The following AFF4 variants were observed in gnomAD, a reference collection of about 807,000 sequenced individuals.
The protein encoded by AFF4 is AF4/FMR2 family member 4.
Under a neutral mutation model 124.8 loss-of-function variants are expected in AFF4, and 13 were observed. That is an observed-to-expected ratio of 0.10 (90% CI 0.07 to 0.17). The LOEUF is 0.17. Among genes scored for constraint, AFF4 ranks in the 10% least tolerant of loss-of-function variants. The pLI, the probability that AFF4 is intolerant of heterozygous loss-of-function variation, is 1.00. For missense variants in AFF4, 1,092 were observed against 1,403.8 expected (o/e 0.78, Z 3.55); for synonymous variants, 477 against 496.1 (o/e 0.96, Z 0.51).
In AFF4 at chr5:132,876,704, CT is replaced by C; in HGVS notation, c.*4354del. ...GATACATAGTTATTATTTCCATTCC[CT>C]TTTCTGGAGACAGCAAGTTCTTTCT... On this transcript the variant is annotated 3_prime_UTR_variant, in exon 21 of 21. Transcript: ENST00000265343. The C allele has an allele frequency of 5.1e-6, 1 of 196,808 alleles. No homozygotes were observed. Among genetic ancestry groups the C allele is most frequent in the Non-Finnish European group, 1.1e-5 (1 of 94,906 alleles). 12.2% of individuals were successfully genotyped at this position (196,808 alleles called of 1,614,324 possible).
At chr5:132,919,541 AC>A (rs1482133489) in intron 5 of AFF4, among the ~76,000 whole-genome samples, 1 of 152,222 alleles carries the variant, frequency 6.6e-6, no homozygotes, top group East Asian at 1.9e-4. Context: ...TAAATGTAAA[AC>A]CTAAAACTAT....
intron 7 of AFF4, among the ~76,000 whole-genome samples, chr5:132,902,018 A>T (rs1453024490): frequency 6.6e-6 from 1 of 152,072 alleles, no homozygotes; most frequent in Non-Finnish European, 1.5e-5. Context: ...TTACATAAAA[A>T]TTTGCATGCT....
chr5:132,892,544 A>C, intron 12 of AFF4, 140 bp from the exon 13 acceptor site: 7 of 1,281,588 alleles, frequency 5.5e-6, no homozygotes, highest in Non-Finnish European at 7.5e-6. Flanking sequence ...CTATAAAACA[A>C]AATAAGACTG....
At position 132,879,428 on chromosome 5, in the gene AFF4, C is replaced by T. The variant is rs1759917957; in HGVS notation, c.*1631G>A. On this transcript the variant is annotated 3_prime_UTR_variant, in exon 21 of 21. Transcript: ENST00000265343. The stretch of plus-strand genomic sequence containing the variant: ...GAGAGGGACAAACTATTTTTCAAAG[C>T]AGCATTACCCAACTGGTTAGACTAA... 1 of 205,176 alleles carries T rather than the reference C, an allele frequency of 4.9e-6. No homozygotes were observed. Among genetic ancestry groups the T allele is most frequent in the Non-Finnish European group, 1.0e-5 (1 of 100,082 alleles). The allele number at this position is 205,176 out of a possible 1,614,324, so 12.7% of individuals were successfully genotyped here.
At chr5:132,893,738 A>C (rs1017036487) in intron 11 of AFF4, among the ~76,000 whole-genome samples, 3 of 152,166 alleles carry the variant, frequency 2.0e-5, no homozygotes, top group Non-Finnish European at 4.4e-5. Context: ...TTGGCCTCCC[A>C]AAGTGCTGGG....
In AFF4 at chr5:132,889,167, C is replaced by G. The variant is rs772993130; in HGVS notation, c.2644G>C (p.Ala882Pro). The G allele has an allele frequency of 5.0e-6, 8 of 1,612,328 alleles. No homozygotes were observed. The East Asian group carries it at 6.7e-5, about 13-fold the overall frequency. ...SSSSKEVKEK[A>P]PSSSSNCPPS... Reference sequence around the variant, plus strand: ...GGACAGTTAGAGGAGCTACTTGGAGCCTTTTCCTGACCAAAAAAATATATA... The same window carrying G: ...GGACAGTTAGAGGAGCTACTTGGAGGCTTTTCCTGACCAAAAAAATATATA... Residue 882 changes from alanine (A) to proline (P), a missense_variant, in exon 14 of 21, where the codon GCT becomes CCT. Ala to Pro is a conservative substitution (Grantham distance 27, BLOSUM62 -1). Coordinates refer to ENST00000265343, the MANE Select transcript of AFF4 (RefSeq NM_014423.4).
Position 132,898,259 on chromosome 5 carries a change from T to C in AFF4, c.1360A>G (p.Asn454Asp). 6.2e-7 allele frequency: 1 copy of C among 1,614,176 alleles called. No individual in the cohort carries two copies. Reference sequence around the variant, plus strand: ...GGAGATGCACTCTGGGATGGCTCATTTGCCTCACTGTCACTGGAACTACTT... The same window carrying C: ...GGAGATGCACTCTGGGATGGCTCATCTGCCTCACTGTCACTGGAACTACTT... ...SESSSSDSEA[N>D]EPSQSASPEP... Residue 454 changes from asparagine to aspartate, a missense_variant, in exon 10 of 21, where the codon AAT becomes GAT. Asn to Asp is a conservative substitution (Grantham distance 23, BLOSUM62 1). This residue lies in a region of AFF4 where 9 missense variants were observed against 33.7 expected (regional missense o/e 0.27). Coordinates refer to ENST00000265343, the MANE Select transcript of AFF4 (RefSeq NM_014423.4).
At position 132,883,325 on chromosome 5, in the gene AFF4, C is replaced by T; in HGVS notation, c.3364+15G>A. On this transcript the variant is annotated intron_variant, in intron 20 of 20. Transcript: ENST00000265343. ...ACAATTCCATCCCTTGAAGTTTATC[C>T]AGAAACCTACCTACCTTTTTGCTCT... 6.2e-7 allele frequency: 1 copy of T among 1,611,948 alleles called. No homozygotes were observed.
At chr5:132,950,601 A>G (rs1332409174) in intron 1 of AFF4, among the ~76,000 whole-genome samples, 1 of 152,000 alleles carries the variant, frequency 6.6e-6, no homozygotes, top group Non-Finnish European at 1.5e-5. Flanking sequence ...GTGAGCCAAG[A>G]TTGCGCCACT....
chr5:132,928,020 G>GT (rs764174352), intron 4 of AFF4, among the ~76,000 whole-genome samples: 7 of 152,088 alleles, frequency 4.6e-5, no homozygotes, highest in Non-Finnish European at 1.0e-4. Flanking sequence ...TTAGTTCAAA[G>GT]TAAGCCATCA....
intron 1 of AFF4, chr5:132,937,693 C>T (rs1761464907): frequency 1.3e-5 from 2 of 152,270 alleles, no homozygotes; most frequent in East Asian, 3.8e-4. Flanking sequence ...TCCTTGGTGT[C>T]CATCCTTACG....
At chr5:132,951,412 C>T (rs931468121) in intron 1 of AFF4, among the ~76,000 whole-genome samples, 1 of 152,188 alleles carries the variant, frequency 6.6e-6, no homozygotes, top group Admixed American at 6.5e-5. Flanking sequence ...AAAAGCATTA[C>T]CAACATAGTT....
At chr5:132,897,413 T>C (rs549906758) in intron 10 of AFF4, among the ~76,000 whole-genome samples, 173 bp from the exon 11 acceptor site, 72 of 152,120 alleles carry the variant, frequency 4.7e-4, no homozygotes, top group Non-Finnish European at 8.8e-4. Flanking sequence ...TCTTATCATC[T>C]GAATAAGAAG....
intron 20 of AFF4, among the ~76,000 whole-genome samples, chr5:132,882,438 A>T (rs1760005272): frequency 6.6e-6 from 1 of 152,232 alleles, no homozygotes; most frequent in Admixed American, 6.5e-5. Flanking sequence ...TCTACTAAAT[A>T]AAATGGTGGT....
rs955929267 is a variant in AFF4, at chr5:132,876,683, C to T, written c.*4376G>A. 2.0e-5 allele frequency: 4 copies of T among 197,830 alleles called. No individual in the cohort carries two copies. The highest frequency in any genetic ancestry group is 1.9e-4 in the South Asian group (1 of 5,210). 12.3% of individuals were successfully genotyped at this position (197,830 alleles called of 1,614,324 possible). ...GACCAAATTACATGAAAAGAAGATA[C>T]ATAGTTATTATTTCCATTCCCTTTT... On this transcript the variant is annotated 3_prime_UTR_variant, in exon 21 of 21. Coordinates refer to ENST00000265343, the MANE Select transcript of AFF4 (RefSeq NM_014423.4).
chr5:132,881,644 A>G (rs1581265172), intron 20 of AFF4, among the ~76,000 whole-genome samples: 1 of 152,134 alleles, frequency 6.6e-6, no homozygotes, highest in Non-Finnish European at 1.5e-5. Context: ...ACTTTCGGCT[A>G]CCATCATATG....
intron 5 of AFF4, among the ~76,000 whole-genome samples, chr5:132,909,922 A>C (rs1760755080): frequency 6.6e-6 from 1 of 152,236 alleles, no homozygotes; most frequent in South Asian, 2.1e-4. Context: ...AAGATTTGTG[A>C]AGCACCTAGG....
chr5:132,889,703 T>C (rs557712738), intron 13 of AFF4, among the ~76,000 whole-genome samples: 1 of 152,362 alleles, frequency 6.6e-6, no homozygotes, highest in East Asian at 1.9e-4. Context: ...AAACAGGTTT[T>C]AAATGGCATT....
intron 5 of AFF4, among the ~76,000 whole-genome samples, chr5:132,908,755 T>C (rs866029880): frequency 4.2e-4 from 56 of 134,836 alleles, no homozygotes; most frequent in Middle Eastern, 3.8e-3. Context: ...ACTATATATA[T>C]ACATATATAT....
Sources: allele counts gnomAD v4.1 joint callset (sites outside exome capture counted in the v4.1 genomes callset), GRCh38; gene constraint gnomAD v4.1.1; regional missense constraint gnomAD v4.1.1; transcripts MANE v1.5; gene names NCBI Gene and HGNC (gene_info 2026-07-23, HGNC 2026-07-21).